Variants in IL36A observed in about 807,000 individuals in gnomAD.
The protein encoded by IL36A is interleukin-36 alpha.
Under a neutral mutation model 12.7 loss-of-function variants are expected in IL36A, and 13 were observed. The observed-to-expected ratio is 1.02, with a 90% CI of 0.67 to 1.63. IL36A has a LOEUF of 1.63. IL36A is among the 40% of genes most tolerant of loss of function. The pLI is 0.00. For missense variants in IL36A, 195 were observed against 192.9 expected (o/e 1.01, Z -0.07); for synonymous variants, 73 against 71.9 (o/e 1.01, Z -0.08).
downstream of IL36A, chr2:113,008,118 A>G: frequency 8.0e-7 from 1 of 1,254,360 alleles, no homozygotes; most frequent in South Asian, 1.3e-5. Flanking sequence ...ATGGGCAGGG[A>G]GAATTTGTTA....
At position 113,005,849 on chromosome 2, in the gene IL36A, A is replaced by T; in HGVS notation, c.-23A>T. ...ACATAAAAGGACTCCTATCCTTGGC[A>T]GTTCTGAAACAACACCACCACAATG... On this transcript the variant is annotated 5_prime_UTR_variant, in exon 1 of 4. Transcript: ENST00000259211. 3 of 1,614,140 alleles carry T rather than the reference A, an allele frequency of 1.9e-6. No individual in the cohort carries two copies. Among genetic ancestry groups the T allele is most frequent in the Non-Finnish European group, 2.5e-6 (3 of 1,179,976 alleles).
chr2:113,009,978 TTTTTAA>T (rs1684703790), downstream of IL36A, among the ~76,000 whole-genome samples: 1 of 152,194 alleles, frequency 6.6e-6, no homozygotes, highest in South Asian at 2.1e-4. Context: ...TGAAGACTTC[TTTTTAA>T]TCCTCTCTTA....
At position 113,006,737 on chromosome 2, in the gene IL36A, G is replaced by A. The variant is rs745468504; in HGVS notation, c.264G>A (p.Lys88=). The A allele has an allele frequency of 3.7e-6, 6 of 1,613,864 alleles. No individual in the cohort carries two copies. Among genetic ancestry groups the A allele is most frequent in the Admixed American group, 1.7e-5 (1 of 59,994 alleles). Residue 88 remains lysine, a splice_region_variant and synonymous_variant, in exon 3 of 4, where the codon AAG becomes AAA. Transcript: ENST00000259211. ...GGGACCAGCCCACACTGCAGCTGAA[G>A]GTGAGTGTGGAAGACAGGTCCTGCC... ...KVGDQPTLQL[K]EKDIMDLYNQ... is the part of the protein sequence containing the mutation.
chr2:113,007,528 A>T (rs1323752394), intron 3 of IL36A, among the ~76,000 whole-genome samples: 1 of 152,212 alleles, frequency 6.6e-6, no homozygotes, highest in Non-Finnish European at 1.5e-5. Context: ...ATATTCTTTA[A>T]GTTTCTGTTT....
intron 2 of IL36A, 89 bp from the exon 3 acceptor site, chr2:113,006,509 G>A: frequency 1.4e-6 from 2 of 1,439,096 alleles, no homozygotes; most frequent in Non-Finnish European, 1.9e-6. Context: ...CACTGTGAGT[G>A]TCAGTTAGCA....
rs954952283 is a variant in IL36A at position 113,005,565 on chromosome 2, AT to A, written c.-299del. On this transcript the variant is annotated 5_prime_UTR_variant, in exon 1 of 4. It removes the in-frame stop codon of an upstream open reading frame in the 5' UTR. Coordinates refer to ENST00000259211, the MANE Select transcript of IL36A (RefSeq NM_014440.3). Reference sequence around the variant, plus strand: ...ATGCTGGAAAGTCTGGTGACCTCTGATTTTTTTTGCTTCCAGGTCTTTGGCC... The same window carrying A: ...ATGCTGGAAAGTCTGGTGACCTCTGATTTTTTTGCTTCCAGGTCTTTGGCC... 54 of 511,318 alleles carry A rather than the reference AT, an allele frequency of 1.1e-4. No individual in the cohort carries two copies. Among genetic ancestry groups the A allele is most frequent in the Non-Finnish European group, 1.5e-4 (43 of 283,280 alleles). 31.7% of individuals were successfully genotyped at this position (511,318 alleles called of 1,614,324 possible). A position where few individuals can be genotyped will look rare whatever the true frequency, so the allele number is the denominator to read the frequency against.
At chr2:113,007,323 A>C (rs1684643040) in intron 3 of IL36A, among the ~76,000 whole-genome samples, 1 of 152,168 alleles carries the variant, frequency 6.6e-6, no homozygotes, top group African/African-American at 2.4e-5. Context: ...TGGTTGTGAC[A>C]ACCTGGGATG....
intron 3 of IL36A, 71 bp downstream of exon 3, chr2:113,006,808 T>A: frequency 6.5e-7 from 1 of 1,531,476 alleles, no homozygotes; most frequent in Non-Finnish European, 9.0e-7. Context: ...TAAAAGACAA[T>A]GTACTTATTA....
At chr2:113,008,294 T>TAC (rs1304561534), downstream of IL36A, among the ~76,000 whole-genome samples, 1 of 150,778 alleles carries the variant, frequency 6.6e-6, no homozygotes, top group African/African-American at 2.4e-5. Flanking sequence ...ACAAAAATAA[T>TAC]AAGGAAAGCT....
intron 2 of IL36A, 94 bp downstream of exon 2, chr2:113,006,181 G>A (rs1431246759): frequency 1.5e-5 from 12 of 802,994 alleles, no homozygotes; most frequent in East Asian, 5.1e-5. Context: ...CTTGTTAACC[G>A]GGCATATCTA....
downstream of IL36A, among the ~76,000 whole-genome samples, chr2:113,010,517 A>G (rs1029894268): frequency 1.3e-5 from 2 of 152,178 alleles, no homozygotes; most frequent in Non-Finnish European, 2.9e-5. Context: ...TGTTGGACCA[A>G]CTGGGATATT....
At chr2:113,008,527 AT>A (rs1247235970), downstream of IL36A, 25 of 258,664 alleles carry the variant, frequency 9.7e-5, no homozygotes, top group Middle Eastern at 4.3e-4. Flanking sequence ...CGCCCGGCTA[AT>A]TTTTTTGTAT....
rs751426211 is a variant in IL36A at position 113,006,075 on chromosome 2, C to G, written c.112C>G (p.Arg38Gly). The change falls in exon 2 of 4, where the codon CGT becomes GGT. Residue 38 changes from arginine to glycine, a missense_variant. By Grantham distance (125) the Arg-to-Gly change is moderately radical. Coordinates refer to ENST00000259211, the MANE Select transcript of IL36A (RefSeq NM_014440.3). Reference sequence around the variant, plus strand: ...GCTCATAGCAGTCCCGAGGAAGGACCGTATGTCTCCAGGTGAGTAGCCACG... The same window carrying G: ...GCTCATAGCAGTCCCGAGGAAGGACGGTATGTCTCCAGGTGAGTAGCCACG... The part of the protein sequence containing the change: ...QTLIAVPRKD[R>G]MSPVTIALIS... The G allele has an allele frequency of 6.2e-7, 1 of 1,610,078 alleles. No homozygotes were observed. The highest frequency in any genetic ancestry group is 1.1e-5 in the South Asian group (1 of 90,990).
At chr2:113,007,390 T>C (rs188334327) in intron 3 of IL36A, among the ~76,000 whole-genome samples, 3 of 152,358 alleles carry the variant, frequency 2.0e-5, no homozygotes, top group Admixed American at 2.0e-4. Flanking sequence ...AAACATCCTA[T>C]ATTATTATAC....
chr2:113,010,442 G>A (rs541588960), downstream of IL36A, among the ~76,000 whole-genome samples: 1 of 152,292 alleles, frequency 6.6e-6, no homozygotes, highest in South Asian at 2.1e-4. Flanking sequence ...AAAACACTTA[G>A]GAGAGTGAAA....
downstream of IL36A, among the ~76,000 whole-genome samples, chr2:113,010,117 G>A (rs1684706934): frequency 6.6e-6 from 1 of 152,242 alleles, no homozygotes; most frequent in South Asian, 2.1e-4. Flanking sequence ...GTGTAGTCCT[G>A]TTGTAATGTT....
downstream of IL36A, among the ~76,000 whole-genome samples, chr2:113,009,253 G>A (rs1423582871): frequency 2.0e-5 from 3 of 151,310 alleles, no homozygotes; most frequent in East Asian, 5.9e-4. Context: ...TCAGTGTGGC[G>A]ATTTCTCAGG....
intron 3 of IL36A, among the ~76,000 whole-genome samples, chr2:113,007,507 C>A (rs1684645862): frequency 6.6e-6 from 1 of 152,198 alleles, no homozygotes; most frequent in Admixed American, 6.5e-5. Context: ...TTTACAGTAA[C>A]TGTTACATAA....
At chr2:113,007,488 A>C (rs1457164839) in intron 3 of IL36A, among the ~76,000 whole-genome samples, 1 of 152,246 alleles carries the variant, frequency 6.6e-6, no homozygotes, top group Non-Finnish European at 1.5e-5. Flanking sequence ...TAACTGTTTT[A>C]ATTTGAAATT....
Sources: allele counts gnomAD v4.1 joint callset (sites outside exome capture counted in the v4.1 genomes callset), GRCh38; gene constraint gnomAD v4.1.1; transcripts MANE v1.5; gene names NCBI Gene and HGNC (gene_info 2026-07-23, HGNC 2026-07-21).